Variants in DDX10 observed in about 807,000 individuals in gnomAD.
DDX10 encodes the protein probable ATP-dependent RNA helicase DDX10.
A neutral mutation model predicts 104.3 loss-of-function variants in DDX10; 74 were observed. The ratio of observed to expected loss-of-function variants is 0.71; its 90% CI spans 0.59 to 0.86. The LOEUF (loss-of-function observed/expected upper bound fraction) is 0.86. Ranked by LOEUF, DDX10 falls within the 40% of genes least tolerant of loss-of-function variation. The probability of loss-of-function intolerance (pLI) is 0.00; values close to 1 mark genes in which losing one functional copy is unlikely to be tolerated. For synonymous variants in DDX10, 351 were observed against 353.4 expected, an observed-to-expected ratio of 0.99 and a Z score of 0.08; for missense variants, 952 against 1,040.0, an observed-to-expected ratio of 0.92 and a Z score of 1.16.
chr11:108,928,729 GA>G (rs1863940348), intron 17 of DDX10, among the ~76,000 whole-genome samples: 1 of 152,114 alleles, frequency 6.6e-6, no homozygotes, highest in Non-Finnish European at 1.5e-5. Context: ...AAGATCTAAC[GA>G]GGGTAAAAAG....
intron 7 of DDX10, among the ~76,000 whole-genome samples, chr11:108,689,943 C>T (rs962944503): frequency 6.6e-6 from 1 of 151,946 alleles, no homozygotes; most frequent in African/African-American, 2.4e-5. Flanking sequence ...AGCCTTGGTG[C>T]GGTGGCTCAC....
At chr11:108,673,788 A>G (rs1307975737) in intron 2 of DDX10, among the ~76,000 whole-genome samples, 2 of 152,246 alleles carry the variant, frequency 1.3e-5, no homozygotes, top group African/African-American at 4.8e-5. Flanking sequence ...GCAAGGGAAC[A>G]AACCAAGATG....
intron 13 of DDX10, among the ~76,000 whole-genome samples, chr11:108,743,074 A>G (rs551890172): frequency 6.6e-6 from 1 of 152,044 alleles, no homozygotes; most frequent in Admixed American, 6.5e-5. Flanking sequence ...TTGAGACACA[A>G]CAAAAAGAAA....
intron 16 of DDX10, among the ~76,000 whole-genome samples, chr11:108,915,676 A>G (rs76224181): frequency 1.3e-5 from 2 of 152,328 alleles, no homozygotes; most frequent in Middle Eastern, 3.4e-3. Context: ...ACAAATTTCA[A>G]AAAGTTCATT....
chr11:108,747,552 T>G (rs931115664), intron 13 of DDX10, among the ~76,000 whole-genome samples: 2 of 152,164 alleles, frequency 1.3e-5, no homozygotes, highest in East Asian at 3.9e-4. Flanking sequence ...GACTACTGAT[T>G]GTGGGAGCAA....
chr11:108,909,329 C>T (rs1304495735), intron 16 of DDX10, among the ~76,000 whole-genome samples: 3 of 149,360 alleles, frequency 2.0e-5, no homozygotes, highest in Admixed American at 6.7e-5. Context: ...AGTTCTGTGC[C>T]CCACTCCCGC....
intron 13 of DDX10, chr11:108,767,548 A>G (rs1484399743): frequency 6.6e-6 from 1 of 152,206 alleles, no homozygotes; most frequent in Admixed American, 6.5e-5. Flanking sequence ...TCCCAGAGAG[A>G]TGTGCTTTAT....
chr11:108,678,979 C>A (rs905405286), intron 5 of DDX10, among the ~76,000 whole-genome samples: 9 of 150,074 alleles, frequency 6.0e-5, no homozygotes, highest in Non-Finnish European at 1.3e-4. Context: ...CCTGCCTCAG[C>A]CTCCCGATAG....
intron 13 of DDX10, among the ~76,000 whole-genome samples, chr11:108,834,759 C>T (rs987475574): frequency 6.6e-6 from 1 of 151,814 alleles, no homozygotes; most frequent in Non-Finnish European, 1.5e-5. Flanking sequence ...AACCCTGTCT[C>T]TACTAAAAAT....
At chr11:108,909,751 G>T (rs1863643664) in intron 16 of DDX10, among the ~76,000 whole-genome samples, 1 of 152,108 alleles carries the variant, frequency 6.6e-6, no homozygotes, top group Non-Finnish European at 1.5e-5. Flanking sequence ...TGTCAGAAAT[G>T]AGTTGTATTG....
chr11:108,713,704 T>A (rs991442777), intron 10 of DDX10, among the ~76,000 whole-genome samples: 1 of 152,190 alleles, frequency 6.6e-6, no homozygotes, highest in Non-Finnish European at 1.5e-5. Context: ...TTAGTATGTC[T>A]TGTAATGTTT....
At chr11:108,724,887 C>T (rs2094303204) in intron 13 of DDX10, among the ~76,000 whole-genome samples, 1 of 152,024 alleles carries the variant, frequency 6.6e-6, no homozygotes, top group Non-Finnish European at 1.5e-5. Flanking sequence ...CAATCTAACT[C>T]TTTAATATAT....
At chr11:108,887,536 T>C (rs2134637145) in intron 16 of DDX10, among the ~76,000 whole-genome samples, 1 of 151,658 alleles carries the variant, frequency 6.6e-6, no homozygotes, top group South Asian at 2.1e-4. Context: ...GTGAATTCTC[T>C]TGATGTAAGA....
At chr11:108,737,081 A>G (rs990536352) in intron 13 of DDX10, among the ~76,000 whole-genome samples, 1 of 152,136 alleles carries the variant, frequency 6.6e-6, no homozygotes, top group Non-Finnish European at 1.5e-5. Flanking sequence ...GCTTGTTTGT[A>G]GCATGGAGTC....
chr11:108,680,806 T>A (rs1371492276), intron 6 of DDX10, among the ~76,000 whole-genome samples: 1 of 152,192 alleles, frequency 6.6e-6, no homozygotes, highest in African/African-American at 2.4e-5. Context: ...CTTGACCTTG[T>A]ATAATGTATG....
At chr11:108,756,795 C>T (rs2094344928) in intron 13 of DDX10, among the ~76,000 whole-genome samples, 1 of 151,962 alleles carries the variant, frequency 6.6e-6, no homozygotes, top group Non-Finnish European at 1.5e-5. Context: ...GCCCATTAGG[C>T]TTTTGGCTAG....
intron 13 of DDX10, among the ~76,000 whole-genome samples, chr11:108,834,924 T>C (rs1247368658): frequency 9.9e-5 from 2 of 20,174 alleles, no homozygotes; most frequent in South Asian, 2.6e-3. Context: ...CAAGACTCCA[T>C]CTCAAAAAAA....
intron 13 of DDX10, among the ~76,000 whole-genome samples, chr11:108,814,287 G>A (rs970643800): frequency 3.3e-5 from 5 of 152,088 alleles, no homozygotes; most frequent in African/African-American, 4.8e-5. Flanking sequence ...GCAGTCTAAA[G>A]GGTGAATTTT....
chr11:108,931,647 T>G (rs1863976814), intron 17 of DDX10, among the ~76,000 whole-genome samples: 1 of 152,184 alleles, frequency 6.6e-6, no homozygotes, highest in Non-Finnish European at 1.5e-5. Flanking sequence ...GGTCACAGTA[T>G]CTTCCAAATA....
Sources: gnomAD v4.1 joint callset for allele counts (sites outside exome capture counted in the v4.1 genomes callset) on GRCh38, gnomAD v4.1.1 for gene constraint, MANE v1.5 for transcripts, NCBI Gene and HGNC (gene_info 2026-07-23, HGNC 2026-07-21) for gene names.